CFDP1: variants seen among roughly 807,000 people sequenced by gnomAD.
The protein encoded by CFDP1 is chromatin remodeling protein CFDP1, also known as heterochromatin-stabilizing protein CFDP1.
Under a neutral mutation model 40.1 loss-of-function variants are expected in CFDP1, and 31 were observed. That is an observed-to-expected ratio of 0.77 (90% CI 0.58 to 1.04). The LOEUF (loss-of-function observed/expected upper bound fraction) is 1.04, where lower values mean the gene tolerates loss of function less well. CFDP1 is among the 50% of genes least tolerant of loss of function. The pLI is 0.00. For synonymous variants in CFDP1, 167 were observed against 120.0 expected, an observed-to-expected ratio of 1.39 and a Z score of -2.56; for missense variants, 423 against 343.4, an observed-to-expected ratio of 1.23 and a Z score of -1.83.
Position 75,387,763 on chromosome 16 carries a change from G to C in CFDP1, c.650+7327C>G, listed in dbSNP as rs188067323. On this transcript the variant is annotated intron_variant, in intron 5 of 6. Coordinates refer to ENST00000283882, the MANE Select transcript of CFDP1 (RefSeq NM_006324.3). ...GCCATTATTCCCCACATCACATCTT[G>C]TCCACAGCTTCACTGTTGCTGCTGA... is the stretch of plus-strand genomic sequence containing the variant. Among the ~76,000 whole-genome samples, 424 of 152,258 alleles carry C rather than the reference G, an allele frequency of 2.8e-3. 3 individuals carry two copies. The highest frequency in any genetic ancestry group is 1.0e-2 in the African/African-American group (414 of 41,556).
intron 5 of CFDP1, among the ~76,000 whole-genome samples, chr16:75,305,755 C>G (rs2078252629): frequency 6.6e-6 from 1 of 152,182 alleles, no homozygotes; most frequent in Non-Finnish European, 1.5e-5. Flanking sequence ...GAACCAGTTC[C>G]CAACACTGAT....
chr16:75,420,322 G>C (rs1157613015), intron 1 of CFDP1, among the ~76,000 whole-genome samples: 1 of 152,074 alleles, frequency 6.6e-6, no homozygotes, highest in Non-Finnish European at 1.5e-5. Flanking sequence ...TCAAACATCA[G>C]ATGTCCATTG....
At chr16:75,364,650 T>C (rs947532146) in intron 5 of CFDP1, among the ~76,000 whole-genome samples, 1 of 152,236 alleles carries the variant, frequency 6.6e-6, no homozygotes, top group Non-Finnish European at 1.5e-5. Flanking sequence ...TGTAAAACAA[T>C]GCCACTCTTC....
intron 5 of CFDP1, among the ~76,000 whole-genome samples, chr16:75,323,728 G>A (rs990315604): frequency 1.3e-5 from 2 of 150,208 alleles, no homozygotes; most frequent in South Asian, 2.1e-4. Flanking sequence ...GCAGTGAGCC[G>A]AGATCGTGCC....
At chr16:75,297,498 G>A (rs571158483) in intron 6 of CFDP1, among the ~76,000 whole-genome samples, 3 of 152,182 alleles carry the variant, frequency 2.0e-5, no homozygotes, top group African/African-American at 7.2e-5. Context: ...AATGGGTCAC[G>A]GTCCCAGAAC....
chr16:75,414,861 T>C (rs1362764800), intron 1 of CFDP1, among the ~76,000 whole-genome samples, 166 bp from the exon 2 acceptor site: 2 of 152,164 alleles, frequency 1.3e-5, no homozygotes, highest in Non-Finnish European at 2.9e-5. Context: ...GGAAGTCTTC[T>C]CTGCCCCTGA....
At chr16:75,398,382 T>C (rs2079015754) in intron 4 of CFDP1, among the ~76,000 whole-genome samples, 1 of 152,216 alleles carries the variant, frequency 6.6e-6, no homozygotes, top group Admixed American at 6.5e-5. Flanking sequence ...TCCAGAACCC[T>C]GATACTACCC....
chr16:75,430,527 T>C (rs1205432185), intron 1 of CFDP1, among the ~76,000 whole-genome samples: 2 of 151,812 alleles, frequency 1.3e-5, no homozygotes, highest in African/African-American at 4.8e-5. Context: ...TGCAGAAGCA[T>C]GATCTTCACT....
In CFDP1 at chr16:75,410,835, G is replaced by A. The variant is rs190709896; in HGVS notation, c.530+990C>T. On this transcript the variant is annotated intron_variant, in intron 4 of 6. Coordinates refer to ENST00000283882, the MANE Select transcript of CFDP1 (RefSeq NM_006324.3). Reference sequence around the variant, plus strand: ...GAGACAGGAGAATGGCGTGAACCCAGGAGGTGGAGCTTGCAGTGAGCCGAG... The same window carrying A: ...GAGACAGGAGAATGGCGTGAACCCAAGAGGTGGAGCTTGCAGTGAGCCGAG... 1.5e-3 allele frequency among the ~76,000 whole-genome samples: 220 copies of A among 151,132 alleles called. 2 individuals are homozygous for A. Among genetic ancestry groups the A allele is most frequent in the African/African-American group, 5.1e-3 (209 of 41,104 alleles).
intron 5 of CFDP1, among the ~76,000 whole-genome samples, chr16:75,343,972 T>A (rs1309648668): frequency 6.6e-6 from 1 of 152,222 alleles, no homozygotes; most frequent in Non-Finnish European, 1.5e-5. Flanking sequence ...TTCCACAGCA[T>A]GTATACTAAA....
At chr16:75,412,117 A>T (rs1210306964) in intron 3 of CFDP1, among the ~76,000 whole-genome samples, 165 bp from the exon 4 acceptor site, 1 of 152,168 alleles carries the variant, frequency 6.6e-6, no homozygotes, top group Non-Finnish European at 1.5e-5. Context: ...TCCCAGGTTA[A>T]AGCGATTCTC....
chr16:75,394,700 G>A (rs1053088352), intron 5 of CFDP1: 12 of 113,780 alleles, frequency 1.1e-4, no homozygotes, highest in African/African-American at 4.0e-4. Flanking sequence ...GGATCTCTCT[G>A]TCACCCAGGC....
At chr16:75,359,436 C>G (rs902431216) in intron 5 of CFDP1, among the ~76,000 whole-genome samples, 1 of 152,146 alleles carries the variant, frequency 6.6e-6, no homozygotes, top group African/African-American at 2.4e-5. Context: ...TCTGCAGAGG[C>G]TAATACGCTG....
intron 5 of CFDP1, among the ~76,000 whole-genome samples, chr16:75,346,029 T>C (rs2078560969): frequency 6.6e-6 from 1 of 152,204 alleles, no homozygotes; most frequent in Admixed American, 6.5e-5. Flanking sequence ...AATTGGATGG[T>C]AGTGTGAGCA....
intron 2 of CFDP1, among the ~76,000 whole-genome samples, chr16:75,413,092 T>C (rs1373950000): frequency 1.3e-5 from 2 of 152,214 alleles, no homozygotes; most frequent in Non-Finnish European, 2.9e-5. Context: ...AAGAATATTC[T>C]AAGAACATAT....
intron 5 of CFDP1, among the ~76,000 whole-genome samples, chr16:75,348,640 C>CT (rs1477828509): frequency 4.1e-5 from 6 of 147,212 alleles, no homozygotes; most frequent in Admixed American, 2.0e-4. Flanking sequence ...TTACTGCAAG[C>CT]TTTTTTTTGT....
intron 5 of CFDP1, among the ~76,000 whole-genome samples, chr16:75,393,558 C>T (rs2078969874): frequency 6.6e-6 from 1 of 151,482 alleles, no homozygotes; most frequent in East Asian, 1.9e-4. Context: ...GGTGAAACCC[C>T]GTCTCTACTA....
intron 5 of CFDP1, among the ~76,000 whole-genome samples, chr16:75,357,287 T>C (rs2113232): frequency 0.52 from 79,287 of 151,728 alleles, 21,682 homozygotes; most frequent in Admixed American, 0.64. Context: ...CGAAGTCTCA[T>C]CCTGTCACCC....
intron 1 of CFDP1, among the ~76,000 whole-genome samples, chr16:75,428,971 G>A (rs1160038097): frequency 1.3e-5 from 2 of 151,882 alleles, no homozygotes; most frequent in African/African-American, 4.8e-5. Context: ...ACAAAAATTA[G>A]CCAGGCGTGG....
Sources: allele counts gnomAD v4.1 joint callset (sites outside exome capture counted in the v4.1 genomes callset), GRCh38; gene constraint gnomAD v4.1.1; transcripts MANE v1.5; gene names NCBI Gene and HGNC (gene_info 2026-07-23, HGNC 2026-07-21).